Variants in LINGO2 observed in about 807,000 individuals in gnomAD.
LINGO2 encodes leucine rich repeat and Ig domain containing 2, also known as leucine-rich repeat and immunoglobulin-like domain-containing nogo receptor-interacting protein 2.
Under a neutral mutation model 30.6 loss-of-function variants are expected in LINGO2, and 14 were observed. The observed-to-expected ratio is 0.46, with a 90% CI of 0.30 to 0.72. The LOEUF is 0.72. LINGO2 is among the 30% of genes least tolerant of loss of function. LINGO2 has a pLI of 0.07. For synonymous variants in LINGO2, 317 were observed against 288.5 expected, an observed-to-expected ratio of 1.10 and a Z score of -1.00; for missense variants, 729 against 751.7, an observed-to-expected ratio of 0.97 and a Z score of 0.35.
chr9:29,112,128 AAATC>A, the LINGO2 span, among the ~76,000 whole-genome samples: 1 of 151,086 alleles, frequency 6.6e-6, no homozygotes, highest in African/African-American at 2.4e-5. Flanking sequence ...ATATTATAGA[AAATC>A]AAATACGAAA....
intron 5 of LINGO2, among the ~76,000 whole-genome samples, chr9:27,975,976 A>G (rs1393002603): frequency 2.6e-5 from 4 of 152,098 alleles, no homozygotes; most frequent in African/African-American, 7.2e-5. Context: ...CCTCATTTTG[A>G]GGGCAGGAAG....
At chr9:28,052,763 T>A (rs1336372761) in intron 4 of LINGO2, among the ~76,000 whole-genome samples, 1 of 152,020 alleles carries the variant, frequency 6.6e-6, no homozygotes, top group Admixed American at 6.6e-5. Flanking sequence ...ATCTAGTAAG[T>A]GGGAGAGAAG....
intron 1 of LINGO2, among the ~76,000 whole-genome samples, chr9:28,495,239 T>C (rs1440362797): frequency 6.6e-6 from 1 of 152,192 alleles, no homozygotes; most frequent in African/African-American, 2.4e-5. Flanking sequence ...CATTTGTCAA[T>C]TTTGTCTTTT....
rs558112496 is a variant in LINGO2, at chr9:28,206,139, T to TGAGTGACA, written c.-87+89061_-87+89068dup. Among the ~76,000 whole-genome samples, 130 of 123,840 alleles carry TGAGTGACA rather than the reference T, an allele frequency of 1.0e-3. 1 individual carries two copies. The highest frequency in any genetic ancestry group is 4.0e-3 in the African/African-American group (123 of 30,960). The allele number at this position is 123,840 out of a possible 152,430, so 81.2% of individuals were successfully genotyped here. A position where few individuals can be genotyped will look rare whatever the true frequency, so the allele number is the denominator to read the frequency against. ...GAGATCATGCCACTGCATTCCAGCCTGAGTGACAGAGTGAGACCCTGTTTC... is the reference window on the plus strand; with the variant it reads ...GAGATCATGCCACTGCATTCCAGCCTGAGTGACAGAGTGACAGAGTGAGACCCTGTTTC... On this transcript the variant is annotated intron_variant, in intron 4 of 5. Transcript: ENST00000379992.
intron 4 of LINGO2, among the ~76,000 whole-genome samples, chr9:28,067,126 C>A (rs950228584): frequency 6.6e-6 from 1 of 152,038 alleles, no homozygotes; most frequent in Non-Finnish European, 1.5e-5. Context: ...TATTCAGGGT[C>A]ACATACCTTT....
At chr9:28,626,315 G>A (rs1205530227) in intron 1 of LINGO2, among the ~76,000 whole-genome samples, 1 of 152,016 alleles carries the variant, frequency 6.6e-6, no homozygotes, top group East Asian at 1.9e-4. Flanking sequence ...ATATTCTGGA[G>A]ATAAGTATTG....
chr9:28,035,515 C>T (rs561010265), intron 4 of LINGO2, among the ~76,000 whole-genome samples: 4 of 152,206 alleles, frequency 2.6e-5, no homozygotes, highest in Non-Finnish European at 4.4e-5. Context: ...ATGAAATAGT[C>T]GAATTTTTGG....
chr9:28,540,504 C>G (rs568280613), intron 1 of LINGO2, among the ~76,000 whole-genome samples: 5 of 152,082 alleles, frequency 3.3e-5, no homozygotes, highest in Non-Finnish European at 5.9e-5. Flanking sequence ...TCAAGGTATC[C>G]ACCGGTTTCA....
intron 4 of LINGO2, among the ~76,000 whole-genome samples, chr9:28,213,089 C>T (rs1306924977): frequency 6.6e-6 from 1 of 151,482 alleles, no homozygotes; most frequent in Non-Finnish European, 1.5e-5. Flanking sequence ...TGTGCAATGA[C>T]ATTTGTAAGC....
chr9:29,195,516 A>G, the LINGO2 span, among the ~76,000 whole-genome samples: 3 of 151,982 alleles, frequency 2.0e-5, no homozygotes, highest in Non-Finnish European at 2.9e-5. Context: ...TTCCTTAGAA[A>G]CTTTCATACT....
At chr9:28,110,934 C>T (rs889844281) in intron 4 of LINGO2, among the ~76,000 whole-genome samples, 1 of 152,094 alleles carries the variant, frequency 6.6e-6, no homozygotes, top group Non-Finnish European at 1.5e-5. Context: ...GATACATGCA[C>T]ATGTATGCTT....
intron 2 of LINGO2, among the ~76,000 whole-genome samples, chr9:28,455,425 C>G (rs1474769604): frequency 6.6e-6 from 1 of 151,976 alleles, no homozygotes; most frequent in Non-Finnish European, 1.5e-5. Context: ...GATTCCCTAT[C>G]TAAATACTGG....
chr9:28,596,593 C>T (rs147934611), intron 1 of LINGO2, among the ~76,000 whole-genome samples: 8 of 152,160 alleles, frequency 5.3e-5, no homozygotes, highest in Non-Finnish European at 1.0e-4. Flanking sequence ...GGCTTTAGTG[C>T]TGGATAATAA....
chr9:28,723,629 C>A, the LINGO2 span, among the ~76,000 whole-genome samples: 3 of 152,026 alleles, frequency 2.0e-5, no homozygotes, highest in Non-Finnish European at 2.9e-5. Context: ...CTACAGTATT[C>A]TAGACATCAC....
At chr9:27,944,227 T>C (rs567169148), downstream of LINGO2, 3 of 152,282 alleles carry the variant, frequency 2.0e-5, no homozygotes, top group African/African-American at 7.2e-5. Context: ...AAACCTGTCA[T>C]TAATTGTTGA....
intron 2 of LINGO2, among the ~76,000 whole-genome samples, chr9:28,430,737 C>T (rs531841222): frequency 1.3e-5 from 2 of 152,150 alleles, no homozygotes; most frequent in Admixed American, 6.5e-5. Flanking sequence ...CTTAAAACAA[C>T]AAATGCTTAC....
chr9:28,345,205 T>C (rs561241210), intron 3 of LINGO2, among the ~76,000 whole-genome samples: 1 of 152,280 alleles, frequency 6.6e-6, no homozygotes, highest in South Asian at 2.1e-4. Context: ...GGGACACACC[T>C]CCAGCCAGTA....
At chr9:28,221,075 G>A (rs541890922) in intron 4 of LINGO2, among the ~76,000 whole-genome samples, 1 of 152,152 alleles carries the variant, frequency 6.6e-6, no homozygotes, top group East Asian at 1.9e-4. Flanking sequence ...TGAGGCGGGT[G>A]GATCACGAGG....
chr9:28,154,337 AC>A (rs1367633881), intron 4 of LINGO2, among the ~76,000 whole-genome samples: 2 of 152,002 alleles, frequency 1.3e-5, no homozygotes, highest in African/African-American at 2.4e-5. Context: ...AATAAAGTTC[AC>A]CCCCTTCTCT....
Sources: allele counts gnomAD v4.1 joint callset (sites outside exome capture counted in the v4.1 genomes callset), GRCh38; gene constraint gnomAD v4.1.1; transcripts MANE v1.5; gene names NCBI Gene and HGNC (gene_info 2026-07-23, HGNC 2026-07-21).